Variants in FLRT2 observed in about 807,000 individuals in gnomAD.
FLRT2 encodes leucine-rich repeat transmembrane protein FLRT2.
A neutral mutation model predicts 40.0 loss-of-function variants in FLRT2; 15 were observed. That is an observed-to-expected ratio of 0.38 (90% CI 0.25 to 0.58). The LOEUF (loss-of-function observed/expected upper bound fraction) is 0.58. FLRT2 is among the 20% of genes least tolerant of loss of function. FLRT2 has a pLI of 0.71. For missense variants in FLRT2, 726 were observed against 840.0 expected, an observed-to-expected ratio of 0.86 and a Z score of 1.68; for synonymous variants, 380 against 336.8, an observed-to-expected ratio of 1.13 and a Z score of -1.41.
At chr14:85,615,221 G>C (rs1893069970) in intron 1 of FLRT2, among the ~76,000 whole-genome samples, 1 of 152,202 alleles carries the variant, frequency 6.6e-6, no homozygotes, top group South Asian at 2.1e-4. Context: ...GGCTGAGAGA[G>C]GCAGGTAGCA....
Position 85,626,987 on chromosome 14 carries a change from C to T in FLRT2, c.*3490C>T, listed in dbSNP as rs1230841949. ...GTGATTGAAGCATCCATTCAGAACA[C>T]GAGGCAATATTGCAGTCCACAGGGA... On this transcript the variant is annotated 3_prime_UTR_variant, in exon 2 of 2. Transcript: ENST00000330753. 3.0e-5 allele frequency: 5 copies of T among 166,992 alleles called. No individual in the cohort carries two copies. Among genetic ancestry groups the T allele is most frequent in the Non-Finnish European group, 4.4e-5 (3 of 68,136 alleles). The allele number at this position is 166,992 out of a possible 1,614,324, so 10.3% of individuals were successfully genotyped here.
chr14:85,535,832 A>G (rs548902750), intron 1 of FLRT2, among the ~76,000 whole-genome samples: 41 of 151,816 alleles, frequency 2.7e-4, no homozygotes, highest in African/African-American at 9.9e-4. Context: ...AATTGTAAAA[A>G]GAATTGGGCT....
Position 85,642,685 on chromosome 14 carries a change from TG to T in FLRT2, c.*19191del, listed in dbSNP as rs142554123. 4,661 of 152,192 alleles carry T rather than the reference TG, an allele frequency of 0.031. 98 individuals are homozygous for T. Among genetic ancestry groups the T allele is most frequent in the East Asian group, 0.094 (487 of 5,160 alleles). 9.4% of individuals were successfully genotyped at this position (152,192 alleles called of 1,614,324 possible). Reference sequence around the variant, plus strand: ...CCAGATTGGGCCATATTAGCCAATATGGGTACATATACTAGAGCCTGCATGC... The same window carrying T: ...CCAGATTGGGCCATATTAGCCAATATGGTACATATACTAGAGCCTGCATGC... On this transcript the variant is annotated 3_prime_UTR_variant, in exon 2 of 2. Coordinates refer to ENST00000330753, the MANE Select transcript of FLRT2 (RefSeq NM_013231.6).
At chr14:85,592,521 C>A (rs1188816655) in intron 1 of FLRT2, among the ~76,000 whole-genome samples, 1 of 151,950 alleles carries the variant, frequency 6.6e-6, no homozygotes, top group Non-Finnish European at 1.5e-5. Context: ...GGTGCAGTGG[C>A]GCAACGGCTG....
chr14:85,563,698 A>T (rs1890478830), intron 1 of FLRT2, among the ~76,000 whole-genome samples: 1 of 152,264 alleles, frequency 6.6e-6, no homozygotes, highest in East Asian at 1.9e-4. Flanking sequence ...GGGGATTACA[A>T]TTCAACATGA....
At chr14:85,535,912 TTTTTTTTTTGTTG>T (rs1166273986) in intron 1 of FLRT2, among the ~76,000 whole-genome samples, 18 of 82,574 alleles carry the variant, frequency 2.2e-4, no homozygotes, top group African/African-American at 5.1e-4. Flanking sequence ...TTTTTTTTTT[TTTTTTTTTTGTTG>T]TTGTTGTTGT....
intron 1 of FLRT2, among the ~76,000 whole-genome samples, chr14:85,541,170 G>A (rs1888965385): frequency 6.6e-6 from 1 of 152,156 alleles, no homozygotes; most frequent in African/African-American, 2.4e-5. Flanking sequence ...AGTACAAAAT[G>A]CAATCAGAAA....
In FLRT2 at chr14:85,645,389, C is replaced by G. The variant is rs960688844; in HGVS notation, c.*21892C>G. ...TGTTGCTTGAGCAGGTGTTCACCCT[C>G]CCACATAAATTCATCCTACTTAATT... On this transcript the variant is annotated 3_prime_UTR_variant, in exon 2 of 2. Transcript: ENST00000330753. 1 of 151,992 alleles carries G rather than the reference C, an allele frequency of 6.6e-6. No individual in the cohort carries two copies. Among genetic ancestry groups the G allele is most frequent in the Non-Finnish European group, 1.5e-5 (1 of 68,008 alleles). The allele number at this position is 151,992 out of a possible 1,614,324, so 9.4% of individuals were successfully genotyped here.
At chr14:85,533,826 G>T (rs1262945346) in intron 1 of FLRT2, among the ~76,000 whole-genome samples, 9 of 151,694 alleles carry the variant, frequency 5.9e-5, no homozygotes, top group African/African-American at 2.2e-4. Context: ...TCCGGCCTCC[G>T]CACCCCCGCG....
intron 1 of FLRT2, among the ~76,000 whole-genome samples, chr14:85,573,044 C>T (rs1890964356): frequency 6.6e-6 from 1 of 152,166 alleles, no homozygotes. Flanking sequence ...TGTGTGCATA[C>T]ATTTCTTTGT....
intron 1 of FLRT2, chr14:85,531,219 T>A (rs140120710): frequency 6.6e-6 from 1 of 152,226 alleles, no homozygotes; most frequent in Non-Finnish European, 1.5e-5. Flanking sequence ...GGAATCCGGA[T>A]CGAGTGAGTT....
chr14:85,589,148 A>G (rs1193568404), intron 1 of FLRT2, among the ~76,000 whole-genome samples: 1 of 152,164 alleles, frequency 6.6e-6, no homozygotes, highest in Non-Finnish European at 1.5e-5. Context: ...TTGCTGGATT[A>G]TATGGTAGCT....
chr14:85,592,568 C>G (rs1891939327), intron 1 of FLRT2, among the ~76,000 whole-genome samples: 1 of 152,022 alleles, frequency 6.6e-6, no homozygotes, highest in South Asian at 2.1e-4. Flanking sequence ...GTGAGCAGAT[C>G]ACCTGAGGTC....
chr14:85,622,603 G>A lies in FLRT2; in HGVS notation c.1089G>A (p.Thr363=). ...LNMNLLSCPT[T]TPGLPLFTPA... ...TGAATCTTTTGTCCTGTCCCACCAC[G>A]ACCCCCGGCCTGCCTCTCTTCACCC... The change falls in exon 2 of 2, where the codon ACG becomes ACA. Residue 363 remains threonine (T), a synonymous_variant. Transcript: ENST00000330753. 1.2e-6 allele frequency: 2 copies of A among 1,613,272 alleles called. No individual in the cohort carries two copies. Among genetic ancestry groups the A allele is most frequent in the Non-Finnish European group, 1.7e-6 (2 of 1,179,904 alleles).
intron 1 of FLRT2, among the ~76,000 whole-genome samples, chr14:85,587,497 A>T (rs1276902334): frequency 6.6e-6 from 1 of 152,092 alleles, no homozygotes; most frequent in Non-Finnish European, 1.5e-5. Flanking sequence ...GAAAAAGCAT[A>T]TTCAGTTCCT....
chr14:85,599,665 T>C (rs1400161709), intron 1 of FLRT2, among the ~76,000 whole-genome samples: 1 of 152,186 alleles, frequency 6.6e-6, no homozygotes, highest in African/African-American at 2.4e-5. Context: ...CTTTAATCAG[T>C]TCAATTACTC....
Position 85,632,258 on chromosome 14 carries a change from T to C in FLRT2, c.*8761T>C, listed in dbSNP as rs1452306784. 6.6e-6 allele frequency: 1 copy of C among 151,030 alleles called. No individual in the cohort carries two copies. Among genetic ancestry groups the C allele is most frequent in the Non-Finnish European group, 1.5e-5 (1 of 67,850 alleles). 9.4% of individuals were successfully genotyped at this position (151,030 alleles called of 1,614,324 possible). On this transcript the variant is annotated 3_prime_UTR_variant, in exon 2 of 2. Transcript: ENST00000330753. ...AGGCCGAGGTGGGCAGATCACGAGG[T>C]CAAGAAATCAAGACCATCCTGGCCA...
At chr14:85,591,776 A>G (rs896362354) in intron 1 of FLRT2, among the ~76,000 whole-genome samples, 8 of 152,182 alleles carry the variant, frequency 5.3e-5, no homozygotes, top group African/African-American at 1.9e-4. Context: ...GGCGGTAGGC[A>G]ACTAAATGTT....
chr14:85,531,937 C>T (rs1255998364), intron 1 of FLRT2, among the ~76,000 whole-genome samples: 2 of 152,322 alleles, frequency 1.3e-5, no homozygotes, highest in East Asian at 3.9e-4. Flanking sequence ...TGGGTGGATC[C>T]TTGCGTGGCT....
Sources: gnomAD v4.1 joint callset for allele counts (sites outside exome capture counted in the v4.1 genomes callset) on GRCh38, gnomAD v4.1.1 for gene constraint, MANE v1.5 for transcripts, NCBI Gene and HGNC (gene_info 2026-07-23, HGNC 2026-07-21) for gene names.